The following WWOX variants were observed in gnomAD, a reference collection of about 807,000 sequenced individuals.
WWOX encodes WW domain containing oxidoreductase, also known as WW domain-containing oxidoreductase.
A neutral mutation model predicts 46.2 loss-of-function variants in WWOX; 69 were observed. The ratio of observed to expected loss-of-function variants is 1.49; its 90% CI spans 1.23 to 1.82. The LOEUF (loss-of-function observed/expected upper bound fraction) is 1.82. Among genes scored for constraint, WWOX ranks in the 40% most tolerant of loss-of-function variants. WWOX has a pLI of 0.00. For synonymous variants in WWOX, 359 were observed against 202.6 expected (o/e 1.77, Z -6.56); for missense variants, 919 against 542.6 (o/e 1.69, Z -6.89).
chr16:79,063,282 C>G (rs1283821175), intron 8 of WWOX, among the ~76,000 whole-genome samples: 1 of 152,228 alleles, frequency 6.6e-6, no homozygotes, highest in Non-Finnish European at 1.5e-5. Flanking sequence ...CAAGCCGCCT[C>G]TGCTCTTTAT....
At chr16:78,621,592 CTTTTTTTTTTTTTTTTTTTTTTTT>C (rs34182797) in intron 8 of WWOX, among the ~76,000 whole-genome samples, 1 of 31,512 alleles carries the variant, frequency 3.2e-5, no homozygotes. Flanking sequence ...TTGTTCTAAT[CTTTTTTTTTTTTTTTTTTTTTTTT>C]TTTTTTGAGA....
At chr16:78,876,023 A>G (rs984049635) in intron 8 of WWOX, among the ~76,000 whole-genome samples, 2 of 152,066 alleles carry the variant, frequency 1.3e-5, no homozygotes, top group African/African-American at 2.4e-5. Flanking sequence ...TCTTATTTTT[A>G]TAAACAGGCT....
rs147613722 is a variant in WWOX, at chr16:78,493,280, G to C, written c.1056+60528G>C. 1.8e-4 allele frequency among the ~76,000 whole-genome samples: 27 copies of C among 152,296 alleles called. No individual in the cohort carries two copies. The East Asian group carries it at 4.8e-3, about 27-fold the overall frequency. ...CACATACACAAATGTCCTATGTTAA[G>C]AATCTTTATTTAAGACAGGTGGCTA... is the stretch of plus-strand genomic sequence containing the variant. On this transcript the variant is annotated intron_variant, in intron 8 of 8. Coordinates refer to ENST00000566780, the MANE Select transcript of WWOX (RefSeq NM_016373.4).
chr16:78,260,884 C>T (rs4888771), intron 5 of WWOX, among the ~76,000 whole-genome samples: 18,330 of 146,346 alleles, frequency 0.13, 1,657 homozygotes, highest in East Asian at 0.2. Flanking sequence ...TTGCAGTGAG[C>T]CGAGATCACA....
intron 8 of WWOX, among the ~76,000 whole-genome samples, chr16:78,858,465 A>G (rs1386890809): frequency 6.6e-6 from 1 of 152,010 alleles, no homozygotes; most frequent in Non-Finnish European, 1.5e-5. Context: ...ATGTATTATC[A>G]TGTCTTTAAA....
chr16:78,269,553 C>G (rs533604164), intron 5 of WWOX, among the ~76,000 whole-genome samples: 6 of 152,240 alleles, frequency 3.9e-5, no homozygotes, highest in South Asian at 4.2e-4. Context: ...ACTGGTGACT[C>G]GGAGATCAGC....
intron 8 of WWOX, among the ~76,000 whole-genome samples, chr16:78,995,801 A>G (rs2046977952): frequency 1.3e-5 from 2 of 152,198 alleles, no homozygotes; most frequent in South Asian, 2.1e-4. Context: ...TGAAAGGGGC[A>G]TCATTGCAAG....
chr16:78,868,284 C>T (rs944522468), intron 8 of WWOX, among the ~76,000 whole-genome samples: 3 of 151,982 alleles, frequency 2.0e-5, no homozygotes, highest in Non-Finnish European at 4.4e-5. Context: ...CATAAAAGAC[C>T]ACATAGTATA....
chr16:78,189,925 G>T (rs1054905317), intron 5 of WWOX, among the ~76,000 whole-genome samples: 1 of 151,764 alleles, frequency 6.6e-6, no homozygotes, highest in East Asian at 1.9e-4. Context: ...AAAGTGCTGG[G>T]ATTACAGGAA....
chr16:78,158,856 A>T (rs981086782), intron 4 of WWOX, among the ~76,000 whole-genome samples: 12 of 152,322 alleles, frequency 7.9e-5, no homozygotes, highest in African/African-American at 2.6e-4. Flanking sequence ...TGAGCACAGT[A>T]CTATATGGTA....
At chr16:78,177,429 A>T (rs998421671) in intron 5 of WWOX, among the ~76,000 whole-genome samples, 2 of 152,174 alleles carry the variant, frequency 1.3e-5, no homozygotes, top group Non-Finnish European at 2.9e-5. Flanking sequence ...TGATACTCCC[A>T]TGACTCATGA....
intron 5 of WWOX, among the ~76,000 whole-genome samples, chr16:78,324,338 T>G (rs1036930672): frequency 1.3e-5 from 2 of 151,936 alleles, no homozygotes; most frequent in African/African-American, 4.8e-5. Context: ...TCACACACCA[T>G]TGGTGGGGAT....
At chr16:78,216,997 A>G (rs2036743989) in intron 5 of WWOX, among the ~76,000 whole-genome samples, 1 of 152,340 alleles carries the variant, frequency 6.6e-6, no homozygotes, top group South Asian at 2.1e-4. Flanking sequence ...TGCCGGGATT[A>G]CAGGTGTGAG....
intron 8 of WWOX, among the ~76,000 whole-genome samples, chr16:78,695,428 G>T (rs909311712): frequency 6.6e-6 from 1 of 151,986 alleles, no homozygotes. Context: ...TCTGTGATTC[G>T]GGAGCACATT....
chr16:79,176,246 G>C (rs2150777888), intron 8 of WWOX, among the ~76,000 whole-genome samples: 1 of 152,344 alleles, frequency 6.6e-6, no homozygotes, highest in Non-Finnish European at 1.5e-5. Context: ...GCCAATGGCA[G>C]CTACGTTCCA....
intron 8 of WWOX, among the ~76,000 whole-genome samples, chr16:78,594,273 A>G (rs942251341): frequency 6.6e-6 from 1 of 152,120 alleles, no homozygotes; most frequent in Non-Finnish European, 1.5e-5. Flanking sequence ...GCAGCCTTGC[A>G]AAGTCGATTC....
At chr16:78,848,972 T>A (rs58829602) in intron 8 of WWOX, among the ~76,000 whole-genome samples, 14 of 152,130 alleles carry the variant, frequency 9.2e-5, no homozygotes, top group Non-Finnish European at 2.1e-4. Flanking sequence ...GTGCTGAAAA[T>A]CATTTGCTGC....
intron 1 of WWOX, among the ~76,000 whole-genome samples, chr16:78,101,584 G>A (rs370802998): frequency 1.6e-4 from 25 of 152,190 alleles, no homozygotes; most frequent in African/African-American, 6.0e-4. Flanking sequence ...GCCCCCCAAA[G>A]TGTTGGCATT....
At chr16:79,058,320 G>A (rs576506087) in intron 8 of WWOX, among the ~76,000 whole-genome samples, 2 of 152,262 alleles carry the variant, frequency 1.3e-5, no homozygotes, top group East Asian at 1.9e-4. Context: ...TAGATCTAGA[G>A]TTGGTGTGAG....
Sources: allele counts gnomAD v4.1 joint callset (sites outside exome capture counted in the v4.1 genomes callset), GRCh38; gene constraint gnomAD v4.1.1; transcripts MANE v1.5; gene names NCBI Gene and HGNC (gene_info 2026-07-23, HGNC 2026-07-21).